The following MED13 variants were observed in gnomAD, a reference collection of about 807,000 sequenced individuals.
MED13 encodes mediator complex subunit 13, also known as mediator of RNA polymerase II transcription subunit 13.
In MED13, 23 loss-of-function variants were observed where a neutral mutation model predicts 225.2. The observed-to-expected ratio is 0.10, with a 90% CI of 0.07 to 0.14. The LOEUF (loss-of-function observed/expected upper bound fraction) is 0.14, where lower values mean the gene tolerates loss of function less well. Among genes scored for constraint, MED13 ranks in the 10% least tolerant of loss-of-function variants. MED13 has a pLI of 1.00. For missense variants in MED13, 2,197 were observed against 2,594.5 expected (o/e 0.85, Z 3.33); for synonymous variants, 942 against 889.2 (o/e 1.06, Z -1.06).
At chr17:61,950,285 A>C (rs571785766) in intron 28 of MED13, among the ~76,000 whole-genome samples, 2 of 149,476 alleles carry the variant, frequency 1.3e-5, no homozygotes, top group East Asian at 4.1e-4. Context: ...TCTGGTCCCA[A>C]GCATTTCGAA....
chr17:61,982,693 C>T lies in MED13; in HGVS notation c.3310G>A (p.Gly1104Ser), dbSNP rs1047741005. The T allele has an allele frequency of 6.2e-7, 1 of 1,614,132 alleles. No homozygotes were observed. The highest frequency in any genetic ancestry group is 8.5e-7 in the Non-Finnish European group (1 of 1,180,004). ...CICVCNMNIK[G>S]ADVGVYIPDP... The stretch of plus-strand genomic sequence containing the variant: ...GGAATGTAAACTCCAACATCGGCAC[C>T]CTTGATGTTCATGTTGCAAACACAG... Residue 1104 changes from glycine to serine, a missense_variant, in exon 16 of 30, where the codon GGT (glycine) becomes AGT (serine). Gly to Ser is a moderately conservative substitution (Grantham distance 56). Transcript: ENST00000397786.
At chr17:62,024,271 G>A (rs988135950) in intron 8 of MED13, among the ~76,000 whole-genome samples, 13 of 152,306 alleles carry the variant, frequency 8.5e-5, no homozygotes, top group South Asian at 6.2e-4. Context: ...ACCTGCCTCA[G>A]CAACCCAAAG....
chr17:61,966,358 T>C (rs2080057757), intron 19 of MED13, 104 bp downstream of exon 19: 2 of 889,142 alleles, frequency 2.2e-6, no homozygotes, highest in Non-Finnish European at 3.5e-6. Flanking sequence ...AATACATAAA[T>C]GAGGATGGCT....
At chr17:62,023,199 C>T (rs907315295) in intron 8 of MED13, among the ~76,000 whole-genome samples, 4 of 152,058 alleles carry the variant, frequency 2.6e-5, no homozygotes, top group Non-Finnish European at 4.4e-5. Context: ...TGTAAATTGT[C>T]TGTTACAGTT....
At chr17:61,956,187 AT>A in intron 24 of MED13, 151 bp downstream of exon 24, 2 of 740,640 alleles carry the variant, frequency 2.7e-6, no homozygotes, top group East Asian at 6.0e-5. Context: ...TCTTTTTAAA[AT>A]TTGAATTAAG....
rs1048345629 is a variant in MED13, at chr17:61,984,445, C to T, written c.2692-78G>A. 6 of 1,125,578 alleles carry T rather than the reference C, an allele frequency of 5.3e-6. No individual in the cohort carries two copies. In the East Asian group the frequency reaches 1.0e-4, roughly 20 times the overall value. 69.7% of individuals were successfully genotyped at this position (1,125,578 alleles called of 1,614,324 possible). A position where few individuals can be genotyped will look rare whatever the true frequency, so the allele number is the denominator to read the frequency against. On this transcript the variant is annotated intron_variant, in intron 14 of 29. Coordinates refer to ENST00000397786, the MANE Select transcript of MED13 (RefSeq NM_005121.3). ...ATAAATAAACAAACAGGCTCTGGAC[C>T]TTTTTTCCTTTCTTTAAACAGAATA...
At chr17:62,021,428 C>T (rs866852854) in intron 8 of MED13, among the ~76,000 whole-genome samples, 1 of 142,842 alleles carries the variant, frequency 7.0e-6, no homozygotes, top group Non-Finnish European at 1.5e-5. Flanking sequence ...CTGACCCCCC[C>T]ACCTCCCTCC....
At position 62,056,441 on chromosome 17, in the gene MED13, G is replaced by GA. The variant is rs1410710526; in HGVS notation, c.302-3737dup. Among the ~76,000 whole-genome samples, 10 of 152,248 alleles carry GA rather than the reference G, an allele frequency of 6.6e-5. No individual in the cohort carries two copies. In the East Asian group the frequency reaches 1.5e-3, roughly 23 times the overall value. On this transcript the variant is annotated intron_variant, in intron 2 of 29. Transcript: ENST00000397786. ...TTTTGAACTTAACCAGAGCCTAATA[G>GA]AAAAAGTCTGCTTAATCTATATAAC...
rs1481830611 is a variant in MED13 at position 61,965,442 on chromosome 17, C to G, written c.4408G>C (p.Asp1470His). The change falls in exon 20 of 30, where the codon GAC becomes CAC. Residue 1470 changes from aspartate to histidine, a missense_variant. Asp to His is a moderately conservative substitution (Grantham distance 81). This residue lies in a region of MED13 where 457 missense variants were observed against 442.2 expected (regional missense o/e 1.03). Transcript: ENST00000397786. ...LGPYLASLPLDSSLLSQPNLV... is the reference protein window; with the variant it reads ...LGPYLASLPLHSSLLSQPNLV... ...TTTGGCTGGGAAAGTAGAGAGCTGTCCAATGGCAGGGAAGCAAGATAAGGA... is the reference window on the plus strand; with the variant it reads ...TTTGGCTGGGAAAGTAGAGAGCTGTGCAATGGCAGGGAAGCAAGATAAGGA... The G allele has an allele frequency of 6.2e-7, 1 of 1,613,578 alleles. No homozygotes were observed. Among genetic ancestry groups the G allele is most frequent in the Admixed American group, 1.7e-5 (1 of 59,966 alleles).
At chr17:62,022,165 C>CAAA (rs35035293) in intron 8 of MED13, among the ~76,000 whole-genome samples, 42 of 133,808 alleles carry the variant, frequency 3.1e-4, no homozygotes, top group African/African-American at 8.4e-4. Flanking sequence ...AAGACTGTCT[C>CAAA]AAAAAAAAAA....
chr17:62,060,884 G>A (rs1433605053), intron 2 of MED13, among the ~76,000 whole-genome samples: 1 of 151,936 alleles, frequency 6.6e-6, no homozygotes, highest in East Asian at 2.0e-4. Context: ...GTCTTCAGTA[G>A]AGATGGGGTT....
chr17:61,947,085 A>C, intron 28 of MED13, 68 bp from the exon 29 acceptor site: 1 of 1,036,732 alleles, frequency 9.6e-7, no homozygotes, highest in South Asian at 1.3e-5. Context: ...GTTTTACCTT[A>C]TTCTCCCAAT....
intron 9 of MED13, among the ~76,000 whole-genome samples, chr17:61,999,414 T>C (rs529069192): frequency 6.6e-6 from 1 of 152,312 alleles, no homozygotes; most frequent in African/African-American, 2.4e-5. Flanking sequence ...AGATATAATG[T>C]TTCTTGCCAG....
chr17:62,056,610 T>TC lies in MED13; in HGVS notation c.302-3906_302-3905insG, dbSNP rs200392740. 1.4e-3 allele frequency among the ~76,000 whole-genome samples: 206 copies of TC among 151,772 alleles called. 5 individuals carry two copies. In the East Asian group the frequency reaches 0.035, roughly 26 times the overall value. ...GACCCTGACTCCAAAAAACTTTTTTTAGTTAGTAGGGCATAGTGGCAATGC... is the reference window on the plus strand; with the variant it reads ...GACCCTGACTCCAAAAAACTTTTTTTCAGTTAGTAGGGCATAGTGGCAATGC... On this transcript the variant is annotated intron_variant, in intron 2 of 29. Coordinates refer to ENST00000397786, the MANE Select transcript of MED13 (RefSeq NM_005121.3).
chr17:62,011,086 G>T lies in MED13; in HGVS notation c.1431C>A (p.His477Gln). The T allele has an allele frequency of 6.2e-7, 1 of 1,614,184 alleles. No homozygotes were observed. Among genetic ancestry groups the T allele is most frequent in the Non-Finnish European group, 8.5e-7 (1 of 1,180,028 alleles). The change falls in exon 9 of 30, where the codon CAC (histidine) becomes CAA (glutamine). Residue 477 changes from histidine to glutamine, a missense_variant. His to Gln is a conservative substitution (Grantham distance 24, BLOSUM62 0). This residue lies in a region of MED13 where 884 missense variants were observed against 918.5 expected (regional missense o/e 0.96). Coordinates refer to ENST00000397786, the MANE Select transcript of MED13 (RefSeq NM_005121.3). ...CATCATCACTAACAGACACACGATG[G>T]TGAAAAGGAGTCAAGGGGCGTTTCT... ...KPQKRPLTPF[H>Q]HRVSVSDDVG...
At chr17:62,062,639 T>C (rs1370630948) in intron 2 of MED13, among the ~76,000 whole-genome samples, 4 of 150,944 alleles carry the variant, frequency 2.6e-5, no homozygotes, top group Admixed American at 6.6e-5. Context: ...GATAGTTACA[T>C]TTCCAGTACT....
chr17:62,013,133 T>C (rs1368113303), intron 8 of MED13, among the ~76,000 whole-genome samples: 3 of 150,984 alleles, frequency 2.0e-5, no homozygotes, highest in Non-Finnish European at 3.0e-5. Flanking sequence ...TTATTGTGCA[T>C]AGAGAAAAAA....
intron 15 of MED13, 59 bp from the exon 16 acceptor site, chr17:61,983,173 G>C (rs1157569026): frequency 7.5e-7 from 1 of 1,327,172 alleles, no homozygotes; most frequent in Admixed American, 2.9e-5. Flanking sequence ...TATTAGTAAT[G>C]TGAAATACAA....
Position 62,008,016 on chromosome 17 carries a change from C to CAAAAAAAAAAAAAAAAAAA in MED13, c.1967+2515_1967+2533dup, listed in dbSNP as rs60236710. Among the ~76,000 whole-genome samples the CAAAAAAAAAAAAAAAAAAA allele has an allele frequency of 4.8e-4, 24 of 50,508 alleles. 4 individuals are homozygous for CAAAAAAAAAAAAAAAAAAA. Among genetic ancestry groups the CAAAAAAAAAAAAAAAAAAA allele is most frequent in the African/African-American group, 1.6e-3 (23 of 14,694 alleles). The allele number at this position is 50,508 out of a possible 152,430, so 33.1% of individuals were successfully genotyped here. ...CCTGGAGGAAAGAGCGAGACTGTCT[C>CAAAAAAAAAAAAAAAAAAA]AAAAAAAAAAAAAAAAAAAAGCTGT... On this transcript the variant is annotated intron_variant, in intron 9 of 29. Transcript: ENST00000397786.
Sources: gnomAD v4.1 joint callset for allele counts (sites outside exome capture counted in the v4.1 genomes callset) on GRCh38, gnomAD v4.1.1 for gene constraint, gnomAD v4.1.1 regional missense constraint, MANE v1.5 for transcripts, NCBI Gene and HGNC (gene_info 2026-07-23, HGNC 2026-07-21) for gene names.